GNAQ: variants seen among roughly 807,000 people sequenced by gnomAD.
The protein encoded by GNAQ is guanine nucleotide-binding protein G(q) subunit alpha.
Under a neutral mutation model 43.9 loss-of-function variants are expected in GNAQ, and 8 were observed. The ratio of observed to expected loss-of-function variants is 0.18; its 90% CI spans 0.11 to 0.33. The LOEUF (loss-of-function observed/expected upper bound fraction) is 0.33. Ranked by LOEUF, GNAQ falls within the 10% of genes least tolerant of loss-of-function variation. GNAQ has a pLI of 1.00. For synonymous variants in GNAQ, 155 were observed against 170.7 expected (o/e 0.91, Z 0.71); for missense variants, 158 against 450.8 (o/e 0.35, Z 5.88).
intron 1 of GNAQ, among the ~76,000 whole-genome samples, chr9:77,987,758 C>T (rs1823460110): frequency 6.6e-6 from 1 of 152,118 alleles, no homozygotes; most frequent in Admixed American, 6.5e-5. Flanking sequence ...CAGCTGGGCA[C>T]AGTGGCATCC....
intron 1 of GNAQ, among the ~76,000 whole-genome samples, chr9:77,951,602 C>T (rs939613023): frequency 7.2e-5 from 11 of 152,110 alleles, no homozygotes; most frequent in African/African-American, 2.4e-4. Context: ...TGGTCAACCT[C>T]TTTTTGTAAA....
chr9:77,727,539 T>C (rs943118167), intron 6 of GNAQ, among the ~76,000 whole-genome samples: 23 of 152,294 alleles, frequency 1.5e-4, no homozygotes, highest in African/African-American at 5.3e-4. Flanking sequence ...GTGGATGCTA[T>C]AGATTCTAAG....
intron 1 of GNAQ, among the ~76,000 whole-genome samples, chr9:77,986,803 CTTTTT>C (rs56978328): frequency 3.2e-5 from 4 of 123,564 alleles, no homozygotes; most frequent in Non-Finnish European, 3.3e-5. Flanking sequence ...GCACCTGGCC[CTTTTT>C]TTTTTTTTTT....
intron 2 of GNAQ, among the ~76,000 whole-genome samples, chr9:77,849,234 A>G (rs1026113235): frequency 7.2e-5 from 11 of 152,340 alleles, no homozygotes; most frequent in African/African-American, 2.2e-4. Flanking sequence ...AGAAAGCAAC[A>G]TAACATCTCA....
intron 4 of GNAQ, 92 bp downstream of exon 4, chr9:77,797,428 A>C: frequency 1.1e-6 from 1 of 919,488 alleles, no homozygotes; most frequent in Non-Finnish European, 1.8e-6. Context: ...TCTTGTTTTG[A>C]AGCCTACACA....
chr9:77,874,629 T>G (rs1490948196), intron 2 of GNAQ, among the ~76,000 whole-genome samples: 1 of 151,974 alleles, frequency 6.6e-6, no homozygotes, highest in Non-Finnish European at 1.5e-5. Flanking sequence ...CAACTAAATT[T>G]TTTTTCTTTT....
intron 1 of GNAQ, among the ~76,000 whole-genome samples, chr9:78,024,247 G>A (rs1359952509): frequency 7.2e-5 from 11 of 152,112 alleles, no homozygotes; most frequent in Non-Finnish European, 1.3e-4. Flanking sequence ...GGCAAAAACT[G>A]TTCCATCTTT....
chr9:78,031,006 C>CG (rs1487385659), intron 1 of GNAQ, 94 bp downstream of exon 1: 2 of 953,588 alleles, frequency 2.1e-6, no homozygotes, highest in Non-Finnish European at 1.4e-6. Flanking sequence ...CCGCGGGCGC[C>CG]GGGGGGCGGG....
Position 77,800,851 on chromosome 9 carries a change from C to T in GNAQ, c.477-3203G>A, listed in dbSNP as rs185040160. 3.0e-3 allele frequency among the ~76,000 whole-genome samples: 460 copies of T among 152,214 alleles called. 4 individuals carry two copies. The highest frequency in any genetic ancestry group is 5.1e-3 in the Admixed American group (78 of 15,276). On this transcript the variant is annotated intron_variant, in intron 3 of 6. Transcript: ENST00000286548. ...ATTTGAAAAACCTGAATGTACATTT[C>T]GAAATCCACAAGTTCACCATTTAAC...
chr9:77,794,713 G>C (rs1826631454), intron 4 of GNAQ, 121 bp from the exon 5 acceptor site: 1 of 536,970 alleles, frequency 1.9e-6, no homozygotes, highest in South Asian at 2.9e-5. Flanking sequence ...GATCATCCAA[G>C]TCAATTCAAT....
At chr9:77,885,056 A>G (rs962679247) in intron 2 of GNAQ, among the ~76,000 whole-genome samples, 1 of 152,224 alleles carries the variant, frequency 6.6e-6, no homozygotes, top group African/African-American at 2.4e-5. Flanking sequence ...CAAGCTGTCC[A>G]AAGTCAGGGA....
chr9:77,798,709 A>G (rs1425265324), intron 3 of GNAQ, among the ~76,000 whole-genome samples: 1 of 152,226 alleles, frequency 6.6e-6, no homozygotes, highest in Non-Finnish European at 1.5e-5. Context: ...TTACTTAACA[A>G]TGTAAATGCT....
At chr9:77,862,095 C>A (rs1240146619) in intron 2 of GNAQ, among the ~76,000 whole-genome samples, 7 of 151,778 alleles carry the variant, frequency 4.6e-5, no homozygotes, top group Non-Finnish European at 2.9e-5. Flanking sequence ...GCAGGGTATA[C>A]CCCTCTCCTG....
chr9:77,910,532 T>C (rs1016558977), intron 2 of GNAQ, among the ~76,000 whole-genome samples: 1 of 152,214 alleles, frequency 6.6e-6, no homozygotes, highest in African/African-American at 2.4e-5. Flanking sequence ...CTGGTCATTC[T>C]GCGCAGGTTT....
At chr9:77,846,579 T>C (rs1244440513) in intron 2 of GNAQ, among the ~76,000 whole-genome samples, 4 of 152,200 alleles carry the variant, frequency 2.6e-5, no homozygotes, top group Non-Finnish European at 5.9e-5. Flanking sequence ...GTTAGATGGG[T>C]AAGGTAGGTC....
chr9:77,898,991 G>C (rs565108654), intron 2 of GNAQ, among the ~76,000 whole-genome samples: 2 of 152,232 alleles, frequency 1.3e-5, no homozygotes, highest in Non-Finnish European at 2.9e-5. Context: ...ATTCCAAAGA[G>C]TAGCTGTACT....
chr9:77,961,304 T>C (rs1463837072), intron 1 of GNAQ, among the ~76,000 whole-genome samples: 1 of 151,986 alleles, frequency 6.6e-6, no homozygotes, highest in Non-Finnish European at 1.5e-5. Flanking sequence ...CACAACAACA[T>C]GGCAAGGAGG....
chr9:77,951,154 G>A (rs1254823754), intron 1 of GNAQ, among the ~76,000 whole-genome samples: 1 of 133,910 alleles, frequency 7.5e-6, no homozygotes, highest in African/African-American at 2.8e-5. Context: ...CTGGAGTGCA[G>A]TGGCATAATC....
At chr9:77,759,706 T>A (rs956228064) in intron 5 of GNAQ, among the ~76,000 whole-genome samples, 1 of 152,070 alleles carries the variant, frequency 6.6e-6, no homozygotes, top group South Asian at 2.1e-4. Flanking sequence ...AACAGAGATA[T>A]TCTGTTGATA....
Sources: allele counts gnomAD v4.1 joint callset (sites outside exome capture counted in the v4.1 genomes callset), GRCh38; gene constraint gnomAD v4.1.1; transcripts MANE v1.5; gene names NCBI Gene and HGNC (gene_info 2026-07-23, HGNC 2026-07-21).